SEMA3C: variants seen among roughly 807,000 people sequenced by gnomAD.
The protein encoded by SEMA3C is semaphorin-3C.
In SEMA3C, 47 loss-of-function variants were observed where a neutral mutation model predicts 89.4. The ratio of observed to expected loss-of-function variants is 0.53; its 90% confidence interval spans 0.42 to 0.67. The LOEUF (loss-of-function observed/expected upper bound fraction) is 0.67, where lower values mean the gene tolerates loss of function less well. SEMA3C is among the 30% of genes least tolerant of loss of function. The pLI is 0.00. For missense variants in SEMA3C, 839 were observed against 929.1 expected (o/e 0.90, Z 1.26); for synonymous variants, 310 against 320.2 (o/e 0.97, Z 0.34).
At chr7:80,864,238 T>C (rs939448460) in intron 2 of SEMA3C, among the ~76,000 whole-genome samples, 1 of 151,284 alleles carries the variant, frequency 6.6e-6, no homozygotes, top group Non-Finnish European at 1.5e-5. Flanking sequence ...TTTGGGGACT[T>C]GGGGGGAAGA....
At chr7:80,919,384 C>A (rs955038190), upstream of SEMA3C, 63 of 985,240 alleles carry the variant, frequency 6.4e-5, no homozygotes, top group Non-Finnish European at 7.1e-5. Context: ...GGGTGCGCTC[C>A]ACGGTTTTTG....
At chr7:80,921,757 A>G (rs1245041194), upstream of SEMA3C, among the ~76,000 whole-genome samples, 1 of 152,202 alleles carries the variant, frequency 6.6e-6, no homozygotes, top group Non-Finnish European at 1.5e-5. Context: ...GAAATGGTGC[A>G]GTATCTTACA....
chr7:80,918,770 G>A (rs1792338851), intron 1 of SEMA3C, 58 bp downstream of exon 1: 1 of 962,716 alleles, frequency 1.0e-6, no homozygotes, highest in Non-Finnish European at 1.2e-6. Flanking sequence ...CAATATACAG[G>A]CCAAAAAAGT....
In SEMA3C at chr7:80,749,032, G is replaced by C; in HGVS notation, c.1712-4C>G. On this transcript the variant is annotated splice_region_variant and splice_polypyrimidine_tract_variant and intron_variant, in intron 16 of 17. Coordinates refer to ENST00000265361, the MANE Select transcript of SEMA3C (RefSeq NM_006379.5). ...ATTTCAGCTGCATTTCTGTATGCTA[G>C]CAGGCAAAAATAAAAGGCGAGAGAG... 1.9e-6 allele frequency: 3 copies of C among 1,592,994 alleles called. No homozygotes were observed. Among genetic ancestry groups the C allele is most frequent in the Non-Finnish European group, 2.6e-6 (3 of 1,172,482 alleles).
chr7:80,784,792 TA>T (rs1788765471), intron 12 of SEMA3C, among the ~76,000 whole-genome samples: 1 of 152,170 alleles, frequency 6.6e-6, no homozygotes. Context: ...AAAAATCATA[TA>T]ATCTTCACTG....
chr7:80,904,795 G>C (rs1791966524), intron 2 of SEMA3C, among the ~76,000 whole-genome samples: 1 of 152,174 alleles, frequency 6.6e-6, no homozygotes, highest in East Asian at 1.9e-4. Flanking sequence ...CATCCCTAGA[G>C]ATAGTGACTG....
intron 11 of SEMA3C, among the ~76,000 whole-genome samples, chr7:80,795,229 GCCACTCTTGAGTC>G (rs1789034084): frequency 6.6e-6 from 1 of 152,188 alleles, no homozygotes; most frequent in African/African-American, 2.4e-5. Flanking sequence ...GACAGACACT[GCCACTCTTGAGTC>G]AGAGAGCTGA....
rs537271661 is a variant in SEMA3C at position 80,778,495 on chromosome 7, T to G, written c.1354+10811A>C. Reference sequence around the variant, plus strand: ...ACCTGTTTTCTTGCACCATTTTTTATCATAAGATAGGTTCTTCTGTGTTAG... The same window carrying G: ...ACCTGTTTTCTTGCACCATTTTTTAGCATAAGATAGGTTCTTCTGTGTTAG... On this transcript the variant is annotated intron_variant, in intron 12 of 17. Transcript: ENST00000265361. 2.7e-4 allele frequency among the ~76,000 whole-genome samples: 41 copies of G among 152,304 alleles called. 1 individual carries two copies. The highest frequency in any genetic ancestry group is 9.1e-4 in the African/African-American group (38 of 41,578).
rs7800408 is a variant in SEMA3C at position 80,879,807 on chromosome 7, G to A, written c.103+36872C>T. On this transcript the variant is annotated intron_variant, in intron 2 of 17. Transcript: ENST00000265361. ...GCATAACAGGAGGCAAACCACAGAG[G>A]TTAGGTGGTATTTAAAATTAGTTTG... is the stretch of plus-strand genomic sequence containing the variant. 7.0e-3 allele frequency among the ~76,000 whole-genome samples: 1,061 copies of A among 152,224 alleles called. 11 individuals are homozygous for A. Among genetic ancestry groups the A allele is most frequent in the African/African-American group, 0.024 (1,015 of 41,524 alleles).
intron 2 of SEMA3C, among the ~76,000 whole-genome samples, chr7:80,839,048 G>T (rs528699692): frequency 3.1e-4 from 47 of 152,220 alleles, no homozygotes; most frequent in Non-Finnish European, 5.4e-4. Context: ...TCCTTGTATG[G>T]TAAGTACTGT....
chr7:80,851,426 C>T (rs545697094), intron 2 of SEMA3C, among the ~76,000 whole-genome samples: 2 of 144,166 alleles, frequency 1.4e-5, no homozygotes, highest in East Asian at 4.1e-4. Flanking sequence ...ATTGCTTGAA[C>T]CTGGGAAGCG....
At position 80,892,537 on chromosome 7, in the gene SEMA3C, A is replaced by C. The variant is rs1054553563; in HGVS notation, c.103+24142T>G. Among the ~76,000 whole-genome samples, 3 of 152,122 alleles carry C rather than the reference A, an allele frequency of 2.0e-5. No homozygotes were observed. The East Asian group carries it at 5.8e-4, about 29-fold the overall frequency. On this transcript the variant is annotated intron_variant, in intron 2 of 17. Transcript: ENST00000265361. ...TGGTATACTAAAAAGCTTTGAAACCAAAAGAAAATTTAAAAAAACAACAAC... is the reference window on the plus strand; with the variant it reads ...TGGTATACTAAAAAGCTTTGAAACCCAAAGAAAATTTAAAAAAACAACAAC...
At chr7:80,777,394 C>G (rs930948582) in intron 12 of SEMA3C, among the ~76,000 whole-genome samples, 3 of 152,086 alleles carry the variant, frequency 2.0e-5, no homozygotes, top group African/African-American at 7.2e-5. Context: ...CGGGTTCAAG[C>G]GATTCTCCTG....
chr7:80,768,538 C>T (rs1358091928), intron 12 of SEMA3C, among the ~76,000 whole-genome samples: 1 of 151,488 alleles, frequency 6.6e-6, no homozygotes, highest in Non-Finnish European at 1.5e-5. Flanking sequence ...AGAATTACCC[C>T]GATAACAACT....
intron 2 of SEMA3C, among the ~76,000 whole-genome samples, chr7:80,897,998 C>T (rs1311665614): frequency 1.3e-5 from 2 of 152,038 alleles, no homozygotes; most frequent in Non-Finnish European, 2.9e-5. Context: ...TAAAGGATAA[C>T]GAGATAATTT....
chr7:80,845,269 G>A (rs572840643), intron 2 of SEMA3C, among the ~76,000 whole-genome samples: 6 of 151,620 alleles, frequency 4.0e-5, no homozygotes, highest in Admixed American at 1.3e-4. Context: ...TGTAGATACT[G>A]GGAAGTTGAT....
intron 2 of SEMA3C, among the ~76,000 whole-genome samples, chr7:80,901,704 T>C (rs972505921): frequency 6.6e-6 from 1 of 152,226 alleles, no homozygotes; most frequent in Non-Finnish European, 1.5e-5. Context: ...CATCTGCTGT[T>C]TCATTTCATA....
rs200544918 is a variant in SEMA3C at position 80,863,978 on chromosome 7, ATATATCACATG to A, written c.104-35244_104-35234del. On this transcript the variant is annotated intron_variant, in intron 2 of 17. Transcript: ENST00000265361. Reference sequence around the variant, plus strand: ...CACATGTATATCACATATATATCACATATATCACATGTATATCACATATATATCGCATGTAT... The same window carrying A: ...CACATGTATATCACATATATATCACATATATCACATATATATCGCATGTAT... Among the ~76,000 whole-genome samples the A allele has an allele frequency of 3.3e-3, 480 of 145,902 alleles. 6 individuals carry two copies. Among genetic ancestry groups the A allele is most frequent in the East Asian group, 0.032 (163 of 5,094 alleles).
chr7:80,827,595 T>A, intron 3 of SEMA3C, 108 bp from the exon 4 acceptor site: 1 of 677,132 alleles, frequency 1.5e-6, no homozygotes, highest in Non-Finnish European at 2.2e-6. Flanking sequence ...GATCTTACAC[T>A]AAGACTTTAA....
Sources: gnomAD v4.1 joint callset for allele counts (sites outside exome capture counted in the v4.1 genomes callset) on GRCh38, gnomAD v4.1.1 for gene constraint, MANE v1.5 for transcripts, NCBI Gene and HGNC (gene_info 2026-07-23, HGNC 2026-07-21) for gene names.